Variants in ABCF2 observed in about 807,000 individuals in gnomAD.
The protein encoded by ABCF2 is ATP binding cassette subfamily F member 2, also known as ATP-binding cassette sub-family F member 2.
In ABCF2, 37 loss-of-function variants were observed where a neutral mutation model predicts 76.9. That is an observed-to-expected ratio of 0.48 (90% confidence interval 0.37 to 0.63). The LOEUF (loss-of-function observed/expected upper bound fraction) is 0.63. ABCF2 is among the 30% of genes least tolerant of loss of function. The probability of loss-of-function intolerance (pLI) is 0.00; values close to 1 mark genes in which losing one functional copy is unlikely to be tolerated. For synonymous variants in ABCF2, 299 were observed against 283.7 expected (o/e 1.05, Z -0.54); for missense variants, 524 against 782.1 (o/e 0.67, Z 3.94).
chr7:151,212,316 T>A lies in ABCF2; in HGVS notation c.*1738A>T, dbSNP rs1278298265. On this transcript the variant is annotated 3_prime_UTR_variant, in exon 15 of 15. Transcript: ENST00000287844. ...AGATAAGGTATGCAGAGCCCTGGGC[T>A]GGAAGTGAATTCAACAGTGATGATA... is the stretch of plus-strand genomic sequence containing the variant. 1 of 985,178 alleles carries A rather than the reference T, an allele frequency of 1.0e-6. No homozygotes were observed. Among genetic ancestry groups the A allele is most frequent in the African/African-American group, 1.8e-5 (1 of 57,106 alleles). 61.0% of individuals were successfully genotyped at this position (985,178 alleles called of 1,614,324 possible).
At chr7:151,223,380 G>A (rs1802310164) in intron 5 of ABCF2, among the ~76,000 whole-genome samples, 1 of 152,184 alleles carries the variant, frequency 6.6e-6, no homozygotes, top group African/African-American at 2.4e-5. Flanking sequence ...GGTGGAAAGG[G>A]AATCCTGGTG....
chr7:151,215,497 T>C lies in ABCF2; in HGVS notation c.1530+107A>G. The stretch of plus-strand genomic sequence containing the variant: ...TAGGGGAGTCAAATGGAGGAGACTC[T>C]GGTTTGGACAGCTTCCAAACCCAGG... On this transcript the variant is annotated intron_variant, in intron 13 of 14. Transcript: ENST00000287844. The surrounding 1 kb of genome is among the most constrained non-coding windows in gnomAD (Gnocchi z 4.6). The C allele has an allele frequency of 7.2e-7, 1 of 1,389,926 alleles. No homozygotes were observed. The highest frequency in any genetic ancestry group is 9.9e-7 in the Non-Finnish European group (1 of 1,011,572). 86.1% of individuals were successfully genotyped at this position (1,389,926 alleles called of 1,614,324 possible).
intron 6 of ABCF2, chr7:151,221,949 T>G: frequency 4.9e-6 from 2 of 406,454 alleles, no homozygotes; most frequent in Non-Finnish European, 9.1e-6. Context: ...GTAACAGTGA[T>G]AGTAACCAGA....
Position 151,212,596 on chromosome 7 carries a change from A to C in ABCF2, c.*1458T>G, listed in dbSNP as rs548946837. 6 of 624,274 alleles carry C rather than the reference A, an allele frequency of 9.6e-6. No homozygotes were observed. In the East Asian group the frequency reaches 7.0e-4, roughly 73 times the overall value. The allele number at this position is 624,274 out of a possible 1,614,324, so 38.7% of individuals were successfully genotyped here. A position where few individuals can be genotyped will look rare whatever the true frequency, so the allele number is the denominator to read the frequency against. ...ACTGCAGCCTCAACCTCCTGGGCTC[A>C]AGTGAGCCTCCTCTTATCAGAGCAG... On this transcript the variant is annotated 3_prime_UTR_variant, in exon 15 of 15. Transcript: ENST00000287844.
chr7:151,224,830 T>C lies in ABCF2; in HGVS notation c.313A>G (p.Lys105Glu), dbSNP rs1443961975. ...CGACGGCCTGAGTTTAATTCCAGTT[T>C]GGTGTCACTGAGCAGCTCTTGACCA... ...FHGQELLSDT[K>E]LELNSGRRYG... Residue 105 changes from lysine (K) to glutamate (E), a missense_variant, in exon 3 of 15, where the codon AAA (lysine) becomes GAA (glutamate). Coordinates refer to ENST00000287844, the MANE Select transcript of ABCF2 (RefSeq NM_007189.3). 1 of 1,614,110 alleles carries C rather than the reference T, an allele frequency of 6.2e-7. No homozygotes were observed. Among genetic ancestry groups the C allele is most frequent in the Admixed American group, 1.7e-5 (1 of 60,006 alleles).
chr7:151,214,242 C>G lies in ABCF2; in HGVS notation c.1735-51G>C. Reference sequence around the variant, plus strand: ...CCTGGGCTAGTCACTGTCCCTGCCTCTGCCCAGCAGACTGTCCTGAGGGGC... The same window carrying G: ...CCTGGGCTAGTCACTGTCCCTGCCTGTGCCCAGCAGACTGTCCTGAGGGGC... On this transcript the variant is annotated intron_variant, in intron 14 of 14. Transcript: ENST00000287844. The surrounding 1 kb of genome is among the most constrained non-coding windows in gnomAD (Gnocchi z 4.9). The G allele has an allele frequency of 6.2e-7, 1 of 1,613,788 alleles. No individual in the cohort carries two copies. Among genetic ancestry groups the G allele is most frequent in the Admixed American group, 1.7e-5 (1 of 60,012 alleles).
intron 2 of ABCF2, among the ~76,000 whole-genome samples, chr7:151,225,483 G>A (rs1802354289): frequency 6.6e-6 from 1 of 152,190 alleles, no homozygotes; most frequent in African/African-American, 2.4e-5. Context: ...ACAGCAAAAG[G>A]GTATAGAGAA....
rs753622943 is a variant in ABCF2, at chr7:151,226,357, GACA to G, written c.99_101del (p.Val34del). 1.4e-5 allele frequency: 22 copies of G among 1,613,966 alleles called. No individual in the cohort carries two copies. The highest frequency in any genetic ancestry group is 1.9e-5 in the Non-Finnish European group (22 of 1,179,996). ...TCTTCTCTGCCACCTGTGGTTCTGT[GACA>G]ACATCTCCATTTTCTTCATGTCCTT... On this transcript the variant is annotated inframe_deletion, in exon 2 of 15. Transcript: ENST00000287844.
chr7:151,221,196 G>A (rs1046733108), intron 7 of ABCF2, among the ~76,000 whole-genome samples: 1 of 149,024 alleles, frequency 6.7e-6, no homozygotes, highest in Non-Finnish European at 1.5e-5. Flanking sequence ...CTAATAGATA[G>A]GTCTGCTTTT....
chr7:151,219,462 G>A lies in ABCF2; in HGVS notation c.922-303C>T, dbSNP rs370770426. ...AAAATCACGGTCATACGGACGTCAC[G>A]AGGCTCAGAGCCTTCCAATACCACC... On this transcript the variant is annotated intron_variant, in intron 7 of 14. Transcript: ENST00000287844. Among the ~76,000 whole-genome samples, 7 of 152,282 alleles carry A rather than the reference G, an allele frequency of 4.6e-5. No homozygotes were observed. The East Asian group carries it at 5.8e-4, about 13-fold the overall frequency.
At position 151,219,150 on chromosome 7, in the gene ABCF2, C is replaced by A. The variant is rs762591830; in HGVS notation, c.931G>T (p.Asp311Tyr). 1 of 1,613,944 alleles carries A rather than the reference C, an allele frequency of 6.2e-7. No homozygotes were observed. The highest frequency in any genetic ancestry group is 2.2e-5 in the East Asian group (1 of 44,862). The change falls in exon 8 of 15, where the codon GAT (aspartate) becomes TAT (tyrosine). Residue 311 changes from aspartate to tyrosine, a missense_variant. By Grantham distance (160) the Asp-to-Tyr change is radical. Transcript: ENST00000287844. Reference protein sequence around the residue: ...KKLKYYTGNYDQYVKTRLELE... With the variant: ...KKLKYYTGNYYQYVKTRLELE... Reference sequence around the variant, plus strand: ...TCTAGCCGCGTCTTCACGTACTGATCATAATTACCCTGCATGGAAATGTGC... The same window carrying A: ...TCTAGCCGCGTCTTCACGTACTGATAATAATTACCCTGCATGGAAATGTGC...
At position 151,218,895 on chromosome 7, in the gene ABCF2, T is replaced by G. The variant is rs772696955; in HGVS notation, c.1018-22A>C. 14 of 1,612,736 alleles carry G rather than the reference T, an allele frequency of 8.7e-6. No homozygotes were observed. The South Asian group carries it at 1.5e-4, about 18-fold the overall frequency. On this transcript the variant is annotated intron_variant, in intron 8 of 14. Coordinates refer to ENST00000287844, the MANE Select transcript of ABCF2 (RefSeq NM_007189.3). ...AGTTCTAAAAAAGACCAAAGAGAGC[T>G]TGGAGTATGTGCAGGCGCTCAACAA...
intron 1 of ABCF2, 29 bp from the exon 2 acceptor site, chr7:151,226,529 AC>A (rs1802376392): frequency 2.0e-6 from 3 of 1,501,974 alleles, no homozygotes; most frequent in African/African-American, 2.8e-5. Flanking sequence ...ATACCCCCAA[AC>A]CCTAAACTTA....
rs1005532664 is a variant in ABCF2, at chr7:151,221,573, C to G, written c.921+5G>C. The G allele has an allele frequency of 6.5e-7, 1 of 1,549,460 alleles. No homozygotes were observed. ...GATTACCAGAAGAAGCCGAGGCCCA[C>G]TCACCGTATAATACTTCAGTTTCTT... On this transcript the variant is annotated splice_donor_5th_base_variant and intron_variant, in intron 7 of 14. Coordinates refer to ENST00000287844, the MANE Select transcript of ABCF2 (RefSeq NM_007189.3).
intron 3 of ABCF2, 93 bp from the exon 4 acceptor site, chr7:151,224,207 T>A (rs1268955160): frequency 1.6e-6 from 2 of 1,282,424 alleles, no homozygotes; most frequent in Non-Finnish European, 2.1e-6. Context: ...TGGGACCTCA[T>A]CCATTTTTTT....
In ABCF2 at chr7:151,218,657, A is replaced by C. The variant is rs1563611806; in HGVS notation, c.1138-7T>G. 2 of 1,614,060 alleles carry C rather than the reference A, an allele frequency of 1.2e-6. No individual in the cohort carries two copies. Among genetic ancestry groups the C allele is most frequent in the South Asian group, 2.2e-5 (2 of 91,078 alleles). ...GGAAATAAAATGACAGTGTCTAGGA[A>C]GAAAAGAGGGCATTTATCAAGTTGG... is the stretch of plus-strand genomic sequence containing the variant. On this transcript the variant is annotated splice_region_variant and splice_polypyrimidine_tract_variant and intron_variant, in intron 9 of 14. Transcript: ENST00000287844.
chr7:151,223,849 G>C lies in ABCF2; in HGVS notation c.551C>G (p.Ala184Gly). 6.2e-7 allele frequency: 1 copy of C among 1,611,852 alleles called. No individual in the cohort carries two copies. Among genetic ancestry groups the C allele is most frequent in the Non-Finnish European group, 8.5e-7 (1 of 1,178,562 alleles). The change falls in exon 5 of 15, where the codon GCG becomes GGG. Residue 184 changes from alanine (A) to glycine (G), a missense_variant and splice_region_variant. Ala to Gly is a moderately conservative substitution (Grantham distance 60). This residue lies in a region of ABCF2 where 330 missense variants were observed against 433.6 expected (regional missense o/e 0.76). Coordinates refer to ENST00000287844, the MANE Select transcript of ABCF2 (RefSeq NM_007189.3). ...KEAERLAHED[A>G]ECEKLMELYE... is the part of the protein sequence containing the mutation. ...GAGCTCCATGAGCTTCTCACACTCC[G>C]CTGTGGACAGTGTATGGCCATGAGG...
chr7:151,213,122 T>A lies in ABCF2; in HGVS notation c.*932A>T. On this transcript the variant is annotated 3_prime_UTR_variant, in exon 15 of 15. Transcript: ENST00000287844. ...GTTGGGGCAGAACCTCAGATCACAATCAGAAAACCACGCTCCTGGACAGTG... is the reference window on the plus strand; with the variant it reads ...GTTGGGGCAGAACCTCAGATCACAAACAGAAAACCACGCTCCTGGACAGTG... 2 of 985,324 alleles carry A rather than the reference T, an allele frequency of 2.0e-6. No homozygotes were observed. The highest frequency in any genetic ancestry group is 1.0e-3 in the Middle Eastern group (2 of 1,914). The allele number at this position is 985,324 out of a possible 1,614,324, so 61.0% of individuals were successfully genotyped here.
Position 151,224,008 on chromosome 7 carries a change from G to A in ABCF2, c.474C>T (p.Pro158=). The A allele has an allele frequency of 3.1e-6, 5 of 1,614,160 alleles. No homozygotes were observed. The highest frequency in any genetic ancestry group is 1.1e-5 in the South Asian group (1 of 91,088). Residue 158 remains proline (P), a synonymous_variant, in exon 4 of 15, where the codon CCC becomes CCT. Transcript: ENST00000287844. ...TREMPPSDKT[P]LHCVMEVDTE... ...TGTCGACTTCCATCACACAATGCAA[G>A]GGTGTCTTGTCACTAGGGGGCATCT...
Sources: allele counts gnomAD v4.1 joint callset (sites outside exome capture counted in the v4.1 genomes callset), GRCh38; gene constraint gnomAD v4.1.1; regional missense constraint gnomAD v4.1.1; non-coding constraint Gnocchi (gnomAD v3.1); transcripts MANE v1.5; gene names NCBI Gene and HGNC (gene_info 2026-07-23, HGNC 2026-07-21).